The following RALYL variants were observed in gnomAD, a reference collection of about 807,000 sequenced individuals.
RALYL encodes RNA-binding Raly-like protein.
Under a neutral mutation model 35.1 loss-of-function variants are expected in RALYL, and 29 were observed. The observed-to-expected ratio is 0.83, with a 90% CI of 0.61 to 1.13. The LOEUF (loss-of-function observed/expected upper bound fraction) is 1.13. RALYL is among the 50% of genes most tolerant of loss of function. The probability of loss-of-function intolerance (pLI) is 0.00; values close to 1 mark genes in which losing one functional copy is unlikely to be tolerated. For synonymous variants in RALYL, 120 were observed against 127.6 expected (o/e 0.94, Z 0.40); for missense variants, 359 against 360.4 (o/e 1.00, Z 0.03).
chr8:84,526,263 G>A (rs1314145728), intron 1 of RALYL, among the ~76,000 whole-genome samples: 1 of 151,946 alleles, frequency 6.6e-6, no homozygotes, highest in African/African-American at 2.4e-5. Flanking sequence ...CCCAATTATT[G>A]TTTTTAAAGA....
intron 2 of RALYL, among the ~76,000 whole-genome samples, chr8:84,552,386 T>A (rs1448321994): frequency 7.7e-6 from 1 of 130,330 alleles, no homozygotes; most frequent in East Asian, 2.3e-4. Context: ...TTTTTTTTTT[T>A]TGAGAAAGCA....
intron 8 of RALYL, among the ~76,000 whole-genome samples, chr8:84,901,856 GA>G (rs1335783481): frequency 1.3e-5 from 2 of 152,150 alleles, no homozygotes; most frequent in Admixed American, 6.6e-5. Flanking sequence ...AGTTAGTCAT[GA>G]ATGAGGGCAA....
chr8:84,531,095 A>T (rs2059249286), intron 2 of RALYL, among the ~76,000 whole-genome samples: 1 of 152,056 alleles, frequency 6.6e-6, no homozygotes, highest in Non-Finnish European at 1.5e-5. Flanking sequence ...AATTTTTTTC[A>T]TAGCACCTAT....
intron 2 of RALYL, among the ~76,000 whole-genome samples, chr8:84,680,673 T>A (rs527292149): frequency 2.6e-5 from 4 of 152,180 alleles, no homozygotes; most frequent in African/African-American, 9.7e-5. Context: ...GTTCATATCC[T>A]TCGCCCACTT....
At chr8:84,263,938 A>G (rs537354025) in intron 1 of RALYL, among the ~76,000 whole-genome samples, 1 of 152,186 alleles carries the variant, frequency 6.6e-6, no homozygotes, top group Non-Finnish European at 1.5e-5. Flanking sequence ...TGCAAAGGAC[A>G]TGATCTCATT....
At chr8:84,479,338 C>T (rs1168919391) in intron 1 of RALYL, among the ~76,000 whole-genome samples, 1 of 151,950 alleles carries the variant, frequency 6.6e-6, no homozygotes, top group Non-Finnish European at 1.5e-5. Flanking sequence ...CTTTCATAGA[C>T]ATTGTAATCA....
chr8:84,830,873 A>G (rs1830777812), intron 4 of RALYL, among the ~76,000 whole-genome samples: 1 of 152,168 alleles, frequency 6.6e-6, no homozygotes, highest in African/African-American at 2.4e-5. Flanking sequence ...ATAGATTATA[A>G]TAAGAAGAGA....
At chr8:84,458,354 G>A (rs559488084) in intron 1 of RALYL, among the ~76,000 whole-genome samples, 12 of 151,774 alleles carry the variant, frequency 7.9e-5, no homozygotes, top group African/African-American at 2.4e-4. Flanking sequence ...AGTACAATTC[G>A]GTATTTCCAA....
chr8:84,367,897 A>G (rs1168514276), intron 1 of RALYL, among the ~76,000 whole-genome samples: 1 of 152,182 alleles, frequency 6.6e-6, no homozygotes, highest in Non-Finnish European at 1.5e-5. Flanking sequence ...GTTTAGAAAA[A>G]TGATTCCAGA....
At chr8:84,375,773 C>G (rs995741340) in intron 1 of RALYL, among the ~76,000 whole-genome samples, 1 of 151,712 alleles carries the variant, frequency 6.6e-6, no homozygotes, top group African/African-American at 2.4e-5. Flanking sequence ...AATATGTCAT[C>G]CAACGAAGAT....
At chr8:84,771,674 C>T (rs1031500255) in intron 2 of RALYL, among the ~76,000 whole-genome samples, 3 of 151,988 alleles carry the variant, frequency 2.0e-5, no homozygotes, top group African/African-American at 7.2e-5. Context: ...ATTCACCACT[C>T]ATGTTTTCCC....
chr8:84,499,205 T>G (rs1166166400), intron 1 of RALYL, among the ~76,000 whole-genome samples: 15 of 152,094 alleles, frequency 9.9e-5, no homozygotes, highest in Admixed American at 9.8e-4. Flanking sequence ...CAGTGAACAT[T>G]GTACCCAATA....
At chr8:84,752,097 A>G (rs774269551) in intron 2 of RALYL, among the ~76,000 whole-genome samples, 5 of 152,212 alleles carry the variant, frequency 3.3e-5, no homozygotes, top group Admixed American at 6.5e-5. Context: ...GCTGATAGTG[A>G]TATGGACGAT....
At chr8:84,813,052 G>A (rs112044222) in intron 4 of RALYL, among the ~76,000 whole-genome samples, 3 of 152,302 alleles carry the variant, frequency 2.0e-5, no homozygotes, top group African/African-American at 7.2e-5. Flanking sequence ...AGGCAGGAAT[G>A]GCCTGCTTGA....
chr8:84,351,129 C>T (rs1263481979), intron 1 of RALYL, among the ~76,000 whole-genome samples: 1 of 150,172 alleles, frequency 6.7e-6, no homozygotes, highest in African/African-American at 2.5e-5. Context: ...AACAGTGTTA[C>T]ATTAAAGTAA....
intron 1 of RALYL, among the ~76,000 whole-genome samples, chr8:84,410,317 T>A (rs1175430128): frequency 6.6e-6 from 1 of 151,944 alleles, no homozygotes; most frequent in Non-Finnish European, 1.5e-5. Context: ...AAACAAGGCT[T>A]ACATTTCTAA....
intron 2 of RALYL, among the ~76,000 whole-genome samples, chr8:84,699,005 CATAGATAGATAG>C (rs3068019): frequency 1.5e-3 from 211 of 144,278 alleles, no homozygotes; most frequent in East Asian, 4.7e-3. Context: ...TAGGTAGGTA[CATAGATAGATAG>C]ATAGATAGAT....
chr8:84,703,600 G>A (rs1490517515), intron 2 of RALYL, among the ~76,000 whole-genome samples: 1 of 152,110 alleles, frequency 6.6e-6, no homozygotes, highest in Non-Finnish European at 1.5e-5. Context: ...TTAAAAGTGT[G>A]AAAAGTGAAA....
chr8:84,457,223 C>A (rs894402999), intron 1 of RALYL, among the ~76,000 whole-genome samples: 1 of 151,862 alleles, frequency 6.6e-6, no homozygotes, highest in Admixed American at 6.6e-5. Context: ...TTTCCCTCAC[C>A]CCTAAATGAT....
Sources: gnomAD v4.1 joint callset for allele counts (sites outside exome capture counted in the v4.1 genomes callset) on GRCh38, gnomAD v4.1.1 for gene constraint, MANE v1.5 for transcripts, NCBI Gene and HGNC (gene_info 2026-07-23, HGNC 2026-07-21) for gene names.